Variants in DMBT1 observed in about 807,000 individuals in gnomAD.
The protein encoded by DMBT1 is scavenger receptor cysteine-rich domain-containing protein DMBT1.
In DMBT1, 198 loss-of-function variants were observed where a neutral mutation model predicts 252.9. The ratio of observed to expected loss-of-function variants is 0.78; its 90% CI spans 0.70 to 0.88. The LOEUF is 0.88. Ranked by LOEUF, DMBT1 falls within the 40% of genes least tolerant of loss-of-function variation. DMBT1 has a pLI of 0.00. For synonymous variants in DMBT1, 990 were observed against 942.7 expected (o/e 1.05, Z -0.92); for missense variants, 2,432 against 2,404.7 (o/e 1.01, Z -0.24).
At chr10:122,629,780 C>G (rs3013177) in intron 46 of DMBT1, 60 bp from the exon 47 acceptor site, 632,921 of 1,571,550 alleles carry the variant, frequency 0.4, 139,633 homozygotes, top group African/African-American at 0.81. Flanking sequence ...ACAGATGATT[C>G]CTTGTCACAA....
chr10:122,635,560 T>G (rs1448721910), intron 52 of DMBT1, among the ~76,000 whole-genome samples: 1 of 152,182 alleles, frequency 6.6e-6, no homozygotes, highest in Non-Finnish European at 1.5e-5. Context: ...ATTTTTCTTT[T>G]TATTTTTTGA....
chr10:122,571,014 G>T, intron 4 of DMBT1, 77 bp downstream of exon 4: 2 of 1,527,762 alleles, frequency 1.3e-6, no homozygotes, highest in Non-Finnish European at 1.8e-6. Context: ...TTCAGACGAG[G>T]TGCAGAGGGC....
In DMBT1 at chr10:122,598,793, C is replaced by T. The variant is rs574475681; in HGVS notation, c.2976C>T (p.Ala992=). ...ASTVGSESSL[A]LRLVNGGDRC... Reference sequence around the variant, plus strand: ...CTGTAGGATCTGAATCCAGTTTGGCCCTGAGGCTGGTGAATGGAGGTGACA... The same window carrying T: ...CTGTAGGATCTGAATCCAGTTTGGCTCTGAGGCTGGTGAATGGAGGTGACA... Residue 992 remains alanine (A), a synonymous_variant, in exon 26 of 56, where the codon GCC becomes GCT. Transcript: ENST00000338354. 21 of 1,613,286 alleles carry T rather than the reference C, an allele frequency of 1.3e-5. No individual in the cohort carries two copies. Among genetic ancestry groups the T allele is most frequent in the African/African-American group, 8.0e-5 (6 of 75,016 alleles).
chr10:122,625,961 T>G lies in DMBT1; in HGVS notation c.5664T>G (p.Thr1888=), dbSNP rs777618239. The G allele has an allele frequency of 6.2e-7, 1 of 1,611,484 alleles. No homozygotes were observed. The highest frequency in any genetic ancestry group is 1.1e-5 in the South Asian group (1 of 91,018). ...GGTGGCATCCAACAACTACAACCACTGCAAGTAGGTATCACATTTTCTACC... is the reference window on the plus strand; with the variant it reads ...GGTGGCATCCAACAACTACAACCACGGCAAGTAGGTATCACATTTTCTACC... ...TDWWHPTTTT[T]ARPSSNCGGF... Residue 1888 remains threonine (T), a synonymous_variant, in exon 46 of 56, where the codon ACT becomes ACG. Transcript: ENST00000338354.
chr10:122,618,727 C>A (rs1469315413), intron 41 of DMBT1, among the ~76,000 whole-genome samples: 1 of 152,206 alleles, frequency 6.6e-6, no homozygotes, highest in Non-Finnish European at 1.5e-5. Context: ...GAACTGTGAA[C>A]TAAAGATGCT....
At chr10:122,576,310 C>A in intron 6 of DMBT1, 89 bp from the exon 7 acceptor site, 1 of 1,524,016 alleles carries the variant, frequency 6.6e-7, no homozygotes, top group Non-Finnish European at 8.9e-7. Flanking sequence ...AAGATATCTG[C>A]CTATGGGGAA....
At chr10:122,636,522 T>C (rs1478905358) in intron 53 of DMBT1, among the ~76,000 whole-genome samples, 2 of 152,216 alleles carry the variant, frequency 1.3e-5, no homozygotes, top group Non-Finnish European at 2.9e-5. Context: ...GCTTGAAACC[T>C]TGTGACCTTC....
rs1418137875 is a variant in DMBT1, at chr10:122,580,866, C to A, written c.1004C>A (p.Ala335Asp). 5 of 1,613,738 alleles carry A rather than the reference C, an allele frequency of 3.1e-6. No homozygotes were observed. In the South Asian group the frequency reaches 5.5e-5, roughly 18 times the overall value. Residue 335 changes from alanine (A) to aspartate (D), a missense_variant and splice_region_variant, in exon 11 of 56, where the codon GCT becomes GAT. Transcript: ENST00000338354. Reference protein sequence around the residue: ...HSEDAGVICSAPQSRPTPSPD... With the variant: ...HSEDAGVICSDPQSRPTPSPD... ...TGACCTTCTCTTCTCTTTCTCACAG[C>A]TCCCCAGTCCCGGCCGACACCCAGC...
chr10:122,590,781 C>T (rs2097843575), intron 18 of DMBT1, 87 bp downstream of exon 18: 1 of 1,475,060 alleles, frequency 6.8e-7, no homozygotes, highest in South Asian at 1.2e-5. Flanking sequence ...CTCCTTCTTA[C>T]CTGTGTGGAT....
At chr10:122,572,755 G>A (rs1460095721) in intron 5 of DMBT1, among the ~76,000 whole-genome samples, 1 of 152,086 alleles carries the variant, frequency 6.6e-6, no homozygotes, top group Non-Finnish European at 1.5e-5. Context: ...GCAGCATCAC[G>A]ACCTGGCCTG....
intron 6 of DMBT1, among the ~76,000 whole-genome samples, chr10:122,575,973 T>G (rs2097708391): frequency 6.6e-6 from 1 of 152,110 alleles, no homozygotes; most frequent in African/African-American, 2.4e-5. Flanking sequence ...GAATATCACG[T>G]GACAAATGTG....
At chr10:122,599,453 T>C (rs1484848799) in intron 26 of DMBT1, among the ~76,000 whole-genome samples, 1 of 152,206 alleles carries the variant, frequency 6.6e-6, no homozygotes, top group Admixed American at 6.5e-5. Flanking sequence ...GTAGGGATCC[T>C]CTCACTGTGA....
intron 1 of DMBT1, among the ~76,000 whole-genome samples, chr10:122,562,925 G>C (rs1461990262): frequency 1.3e-5 from 2 of 152,242 alleles, no homozygotes; most frequent in Admixed American, 1.3e-4. Flanking sequence ...GCACTGGTGA[G>C]TGGCTGGGTT....
At chr10:122,577,679 C>T in intron 7 of DMBT1, 132 bp from the exon 8 acceptor site, 3 of 1,007,940 alleles carry the variant, frequency 3.0e-6, no homozygotes. Context: ...ACGGTGGGCA[C>T]TGGCAGGGCC....
chr10:122,599,052 T>A lies in DMBT1; in HGVS notation c.3235T>A (p.Ser1079Thr), dbSNP rs201802690. ...LWSCPHNGWL[S>T]HNCGHSEDAG... The stretch of plus-strand genomic sequence containing the variant: ...GAGCTGCCCCCACAATGGCTGGCTC[T>A]CCCACAACTGTGGCCATAGTGAAGA... The change falls in exon 26 of 56, where the codon TCC becomes ACC. Residue 1079 changes from serine to threonine, a missense_variant. Transcript: ENST00000338354. The A allele has an allele frequency of 9.2e-4, 1,486 of 1,613,682 alleles. No individual in the cohort carries two copies. Among genetic ancestry groups the A allele is most frequent in the Non-Finnish European group, 1.2e-3 (1,420 of 1,179,754 alleles).
At chr10:122,578,871 C>T (rs201750758) in intron 9 of DMBT1, 112 bp downstream of exon 9, 40 of 1,103,354 alleles carry the variant, frequency 3.6e-5, no homozygotes, top group South Asian at 8.2e-5. Context: ...GTGGGCTAAG[C>T]GTGGGAGGGT....
intron 16 of DMBT1, among the ~76,000 whole-genome samples, chr10:122,587,138 T>C (rs1300768088): frequency 6.8e-6 from 1 of 148,104 alleles, no homozygotes; most frequent in Non-Finnish European, 1.5e-5. Context: ...ATCCAAACTA[T>C]AGCATGCTGC....
chr10:122,619,044 G>A (rs1024183264), intron 41 of DMBT1, among the ~76,000 whole-genome samples: 1 of 152,174 alleles, frequency 6.6e-6, no homozygotes, highest in Admixed American at 6.5e-5. Context: ...AACATCCAAG[G>A]GAGAGTGTTG....
Position 122,620,189 on chromosome 10 carries a change from T to G in DMBT1, c.5246-64T>G, listed in dbSNP as rs2098049722. On this transcript the variant is annotated intron_variant, in intron 42 of 55. Coordinates refer to ENST00000338354, the MANE Select transcript of DMBT1 (RefSeq NM_001377530.1). ...TCATGATGCTTGCCTGGTTCAGAGA[T>G]TTTTTTTTGTAGCTTTCCTCCCTCA... is the stretch of plus-strand genomic sequence containing the variant. 5 of 1,461,654 alleles carry G rather than the reference T, an allele frequency of 3.4e-6. 1 individual carries two copies. In the South Asian group the frequency reaches 5.7e-5, roughly 17 times the overall value. 90.5% of individuals were successfully genotyped at this position (1,461,654 alleles called of 1,614,324 possible).
Sources: allele counts gnomAD v4.1 joint callset (sites outside exome capture counted in the v4.1 genomes callset), GRCh38; gene constraint gnomAD v4.1.1; transcripts MANE v1.5; gene names NCBI Gene and HGNC (gene_info 2026-07-23, HGNC 2026-07-21).